SLC43A2: variants seen among roughly 807,000 people sequenced by gnomAD.
The protein encoded by SLC43A2 is large neutral amino acids transporter small subunit 4.
SLC43A2 carries 38 observed loss-of-function variants against 63.2 expected under a neutral mutation model. That is an observed-to-expected ratio of 0.60 (90% CI 0.46 to 0.79). SLC43A2 has a LOEUF of 0.79. Among genes scored for constraint, SLC43A2 ranks in the 30% least tolerant of loss-of-function variants. The probability of loss-of-function intolerance (pLI) is 0.00; values close to 1 mark genes in which losing one functional copy is unlikely to be tolerated. For missense variants in SLC43A2, 644 were observed against 756.2 expected (o/e 0.85, Z 1.74); for synonymous variants, 322 against 331.0 (o/e 0.97, Z 0.30).
At chr17:1,598,996 G>A (rs1905612041) in intron 5 of SLC43A2, among the ~76,000 whole-genome samples, 1 of 152,200 alleles carries the variant, frequency 6.6e-6, no homozygotes, top group Non-Finnish European at 1.5e-5. Context: ...AACCACACTA[G>A]GTAGCCTTCA....
intron 5 of SLC43A2, among the ~76,000 whole-genome samples, chr17:1,610,229 G>A (rs1275509641): frequency 6.7e-6 from 1 of 150,358 alleles, no homozygotes; most frequent in Admixed American, 6.7e-5. Context: ...GCTCATAGAA[G>A]TTTAGTCTAC....
chr17:1,576,839 G>T, intron 12 of SLC43A2, 119 bp from the exon 13 acceptor site: 1 of 1,243,132 alleles, frequency 8.0e-7, no homozygotes, highest in Non-Finnish European at 1.1e-6. Flanking sequence ...CCAGCCCTCG[G>T]ATTCCTTCCT....
intron 2 of SLC43A2, among the ~76,000 whole-genome samples, chr17:1,625,992 G>A (rs57474194): frequency 0.026 from 3,413 of 129,470 alleles, 134 homozygotes; most frequent in African/African-American, 0.09. Context: ...AATTAAATCC[G>A]TGGACATTCT....
upstream of SLC43A2, among the ~76,000 whole-genome samples, chr17:1,629,252 C>A (rs991436636): frequency 7.9e-5 from 12 of 152,118 alleles, no homozygotes; most frequent in Non-Finnish European, 1.2e-4. Context: ...CCCAGCTGCC[C>A]CCTGCGCGCG....
At chr17:1,586,928 T>TGGCCCCCCCCCCCCCCCCCCCCCCCC in intron 9 of SLC43A2, 7 of 1,232,886 alleles carry the variant, frequency 5.7e-6, no homozygotes, top group Non-Finnish European at 6.7e-6. Context: ...TCCCTGACAA[T>TGGCCCCCCCCCCCCCCCCCCCCCCCC]CCCCCCCACC....
rs939352120 is a variant in SLC43A2 at position 1,605,175 on chromosome 17, C to T, written c.501+8020G>A. 7 of 1,194,286 alleles carry T rather than the reference C, an allele frequency of 5.9e-6. No homozygotes were observed. The highest frequency in any genetic ancestry group is 7.3e-6 in the Non-Finnish European group (7 of 953,430). 74.0% of individuals were successfully genotyped at this position (1,194,286 alleles called of 1,614,324 possible). A position where few individuals can be genotyped will look rare whatever the true frequency, so the allele number is the denominator to read the frequency against. ...CGTGCGGGTCAACCTGTCCTGCCAG[C>T]CCGGGCTGTTCACTCACTGCCTCCA... On this transcript the variant is annotated intron_variant, in intron 5 of 13. Transcript: ENST00000301335. This position sits in a 1 kb window ranked among gnomAD's most constrained non-coding sequence, Gnocchi z 4.9.
intron 5 of SLC43A2, chr17:1,604,603 G>A: frequency 1.2e-6 from 1 of 846,676 alleles, no homozygotes; most frequent in Non-Finnish European, 1.8e-6. Flanking sequence ...AGAACTCCTG[G>A]GCTCAACTCA....
In SLC43A2 at chr17:1,574,716, G is replaced by A. The variant is rs560128900; in HGVS notation, c.*888C>T. ...GCTGCAGGCCTGGCGGCTCCCGCCT[G>A]GTCAGTGGGGATAAGGGCTAACTCC... On this transcript the variant is annotated 3_prime_UTR_variant, in exon 14 of 14. Transcript: ENST00000301335. The A allele has an allele frequency of 2.0e-5, 3 of 152,464 alleles. No homozygotes were observed. The highest frequency in any genetic ancestry group is 1.3e-4 in the Admixed American group (2 of 15,310). The allele number at this position is 152,464 out of a possible 1,614,324, so 9.4% of individuals were successfully genotyped here.
chr17:1,606,875 G>A lies in SLC43A2; in HGVS notation c.501+6320C>T, dbSNP rs928149824. 3.2e-4 allele frequency among the ~76,000 whole-genome samples: 49 copies of A among 152,204 alleles called. No individual in the cohort carries two copies. Among genetic ancestry groups the A allele is most frequent in the African/African-American group, 1.1e-3 (47 of 41,466 alleles). On this transcript the variant is annotated intron_variant, in intron 5 of 13. Transcript: ENST00000301335. This position sits in a 1 kb window ranked among gnomAD's most constrained non-coding sequence, Gnocchi z 4.7. ...CTGGCTACTGGGCAGCCTACCTGAC[G>A]CGACAGCCACCCTTGCCCCTCGGAG...
At chr17:1,616,043 G>GAAA (rs77735350) in intron 3 of SLC43A2, among the ~76,000 whole-genome samples, 6 of 70,100 alleles carry the variant, frequency 8.6e-5, no homozygotes, top group Admixed American at 1.7e-4. Flanking sequence ...ACTCCGTCTT[G>GAAA]AAAAAAAAAA....
chr17:1,587,794 C>T (rs1904355442), intron 9 of SLC43A2, among the ~76,000 whole-genome samples: 2 of 152,204 alleles, frequency 1.3e-5, no homozygotes, highest in Non-Finnish European at 2.9e-5. Flanking sequence ...AATAGGAAAA[C>T]ATGTCACCTG....
chr17:1,588,747 C>T (rs1443049304), intron 9 of SLC43A2, among the ~76,000 whole-genome samples: 2 of 151,540 alleles, frequency 1.3e-5, no homozygotes, highest in African/African-American at 4.8e-5. Context: ...CTGCCAGCAC[C>T]CTGGCTAGTT....
In SLC43A2 at chr17:1,591,694, G is replaced by A; in HGVS notation, c.600C>T (p.Ile200=). Residue 200 remains isoleucine, a synonymous_variant, in exon 7 of 14, where the codon ATC becomes ATT. Transcript: ENST00000301335. ...SAVTFPGIKL[I]YDAGVSFIVV... The stretch of plus-strand genomic sequence containing the variant: ...CGATGAAGGAGACACCAGCATCATA[G>A]ATGAGCTGACAGGCACCGCGGGGAC... 1 of 1,182,000 alleles carries A rather than the reference G, an allele frequency of 8.5e-7. No individual in the cohort carries two copies. Among genetic ancestry groups the A allele is most frequent in the Non-Finnish European group, 1.2e-6 (1 of 864,324 alleles). 73.2% of individuals were successfully genotyped at this position (1,182,000 alleles called of 1,614,324 possible).
intron 9 of SLC43A2, chr17:1,586,928 T>TCCACCCCCC: frequency 8.1e-7 from 1 of 1,232,914 alleles, no homozygotes; most frequent in Admixed American, 2.2e-5. Flanking sequence ...TCCCTGACAA[T>TCCACCCCCC]CCCCCCCACC....
Position 1,575,522 on chromosome 17 carries a change from T to C in SLC43A2, c.*82A>G. The C allele has an allele frequency of 6.4e-7, 1 of 1,564,144 alleles. No individual in the cohort carries two copies. The highest frequency in any genetic ancestry group is 8.8e-7 in the Non-Finnish European group (1 of 1,137,560). On this transcript the variant is annotated 3_prime_UTR_variant, in exon 14 of 14. Transcript: ENST00000301335. ...ACGGAGACGGCGAAGGTCCTGGGGGTGCGTGGGGTACTCTGGAGGGGCAGG... is the reference window on the plus strand; with the variant it reads ...ACGGAGACGGCGAAGGTCCTGGGGGCGCGTGGGGTACTCTGGAGGGGCAGG...
At chr17:1,604,756 C>A (rs527914946) in intron 5 of SLC43A2, 3 of 1,535,826 alleles carry the variant, frequency 2.0e-6, no homozygotes, top group Admixed American at 2.0e-5. Flanking sequence ...CTGTTGCCTT[C>A]GGCTGACCTC....
chr17:1,572,494 C>T lies in SLC43A2; in HGVS notation c.*3110G>A, dbSNP rs1358471940. ...GATAGTATCTCTAGGCCTCGTTTTT[C>T]AGTTGTAAAGCAGGGATGATCATAT... On this transcript the variant is annotated 3_prime_UTR_variant, in exon 14 of 14. Transcript: ENST00000301335. 1 of 152,200 alleles carries T rather than the reference C, an allele frequency of 6.6e-6. No homozygotes were observed. Among genetic ancestry groups the T allele is most frequent in the Non-Finnish European group, 1.5e-5 (1 of 68,054 alleles). 9.4% of individuals were successfully genotyped at this position (152,200 alleles called of 1,614,324 possible).
At position 1,583,902 on chromosome 17, in the gene SLC43A2, G is replaced by A. The variant is rs1217425826; in HGVS notation, c.1218-566C>T. On this transcript the variant is annotated intron_variant, in intron 10 of 13. Transcript: ENST00000301335. This position sits in a 1 kb window ranked among gnomAD's most constrained non-coding sequence, Gnocchi z 5.5. ...GTTTTGTTTTGTTTTTTTGTTCTTT[G>A]GGTTTTTTTTTGAGATGGAGTCTCG... is the stretch of plus-strand genomic sequence containing the variant. Among the ~76,000 whole-genome samples the A allele has an allele frequency of 1.3e-5, 2 of 151,090 alleles. No homozygotes were observed. Among genetic ancestry groups the A allele is most frequent in the African/African-American group, 4.9e-5 (2 of 41,020 alleles).
intron 10 of SLC43A2, 126 bp downstream of exon 10, chr17:1,585,787 C>T: frequency 6.3e-7 from 1 of 1,599,522 alleles, no homozygotes; most frequent in Non-Finnish European, 8.5e-7. Flanking sequence ...TCTAAGGGCT[C>T]CGGGAGCAGC....
Sources: allele counts gnomAD v4.1 joint callset (sites outside exome capture counted in the v4.1 genomes callset), GRCh38; gene constraint gnomAD v4.1.1; non-coding constraint Gnocchi (gnomAD v3.1); transcripts MANE v1.5; gene names NCBI Gene and HGNC (gene_info 2026-07-23, HGNC 2026-07-21).